The following MSI2 variants were observed in gnomAD, a reference collection of about 807,000 sequenced individuals.
MSI2 encodes RNA-binding protein Musashi homolog 2.
A neutral mutation model predicts 45.6 loss-of-function variants in MSI2; 17 were observed. The observed-to-expected ratio is 0.37, with a 90% CI of 0.26 to 0.56. The LOEUF is 0.56. Ranked by LOEUF, MSI2 falls within the 20% of genes least tolerant of loss-of-function variation. MSI2 has a pLI of 0.77. For missense variants in MSI2, 293 were observed against 444.2 expected, an observed-to-expected ratio of 0.66 and a Z score of 3.06; for synonymous variants, 156 against 158.2, an observed-to-expected ratio of 0.99 and a Z score of 0.11.
intron 9 of MSI2, chr17:57,625,845 T>C (rs1908744166): frequency 6.6e-6 from 1 of 152,226 alleles, no homozygotes; most frequent in Non-Finnish European, 1.5e-5. Context: ...AGCTGGGTGG[T>C]CAGAGCCCCA....
chr17:57,645,622 A>G (rs904824130), intron 10 of MSI2, among the ~76,000 whole-genome samples: 7 of 149,724 alleles, frequency 4.7e-5, no homozygotes, highest in African/African-American at 9.9e-5. Context: ...TTTTATTTTT[A>G]GTAGAGACAG....
chr17:57,695,753 G>A, the MSI2 span, among the ~76,000 whole-genome samples: 3 of 151,986 alleles, frequency 2.0e-5, no homozygotes, highest in South Asian at 6.2e-4. Context: ...TATACTGGGT[G>A]GCTTAAACAA....
chr17:57,415,503 C>G (rs1047292315), intron 6 of MSI2, among the ~76,000 whole-genome samples: 1 of 152,116 alleles, frequency 6.6e-6, no homozygotes, highest in African/African-American at 2.4e-5. Flanking sequence ...ATTCAACTGT[C>G]TCCTGAGCCT....
chr17:57,689,948 A>T, the MSI2 span, among the ~76,000 whole-genome samples: 1 of 152,184 alleles, frequency 6.6e-6, no homozygotes, highest in African/African-American at 2.4e-5. Context: ...GCCACTATAA[A>T]CATTCATGGA....
At chr17:57,575,147 T>TC (rs371180511) in intron 7 of MSI2, among the ~76,000 whole-genome samples, 23,993 of 116,408 alleles carry the variant, frequency 0.21, 2,699 homozygotes, top group African/African-American at 0.24. Flanking sequence ...CTTTTTTAAC[T>TC]CCCTCCCCCC....
At chr17:57,564,641 G>A (rs1352878914) in intron 7 of MSI2, among the ~76,000 whole-genome samples, 1 of 152,174 alleles carries the variant, frequency 6.6e-6, no homozygotes, top group Non-Finnish European at 1.5e-5. Context: ...GGCATTTATG[G>A]AGCTTGCAGC....
At chr17:57,566,509 TG>T in intron 7 of MSI2, among the ~76,000 whole-genome samples, 1 of 152,214 alleles carries the variant, frequency 6.6e-6, no homozygotes, top group African/African-American at 2.4e-5. Flanking sequence ...TCTCAGGCAT[TG>T]GGGCCCGGTA....
intron 5 of MSI2, among the ~76,000 whole-genome samples, chr17:57,295,433 A>G (rs1277691296): frequency 6.6e-6 from 1 of 152,220 alleles, no homozygotes; most frequent in Non-Finnish European, 1.5e-5. Flanking sequence ...TTACACAAAT[A>G]AGAACTCAGT....
chr17:57,520,184 A>G lies in MSI2; in HGVS notation c.406-9492A>G, dbSNP rs549274650. Among the ~76,000 whole-genome samples the G allele has an allele frequency of 2.4e-3, 367 of 152,346 alleles. 5 individuals are homozygous for G. The highest frequency in any genetic ancestry group is 8.4e-3 in the African/African-American group (348 of 41,572). ...TCCAGTAAATGGTAGTTATTATAAC[A>G]ATCATTATTTCAGGAGGATAGACAT... is the stretch of plus-strand genomic sequence containing the variant. On this transcript the variant is annotated intron_variant, in intron 6 of 13. Transcript: ENST00000284073.
chr17:57,540,843 C>A (rs1158653067), intron 7 of MSI2, among the ~76,000 whole-genome samples: 2 of 152,184 alleles, frequency 1.3e-5, no homozygotes, highest in East Asian at 1.9e-4. Flanking sequence ...TAAGCTCCCC[C>A]CTCCCATTTG....
chr17:57,414,099 T>TCTTC (rs2084248428), intron 6 of MSI2, among the ~76,000 whole-genome samples: 2 of 152,100 alleles, frequency 1.3e-5, no homozygotes, highest in African/African-American at 4.8e-5. Context: ...TAATTACAGA[T>TCTTC]TGTGTCATCA....
At chr17:57,615,283 A>G (rs1287267540) in intron 8 of MSI2, among the ~76,000 whole-genome samples, 1 of 151,864 alleles carries the variant, frequency 6.6e-6, no homozygotes, top group East Asian at 1.9e-4. Context: ...GTGTGCCACC[A>G]CACCTGCCTA....
intron 10 of MSI2, chr17:57,632,913 G>T: frequency 9.4e-7 from 1 of 1,059,530 alleles, no homozygotes; most frequent in Non-Finnish European, 1.1e-6. Flanking sequence ...TAATTGGTTA[G>T]TTTCCTTTTA....
intron 6 of MSI2, among the ~76,000 whole-genome samples, chr17:57,508,735 G>A (rs114997378): frequency 2.2e-3 from 332 of 152,288 alleles, no homozygotes; most frequent in African/African-American, 7.1e-3. Context: ...GCGTGAGCCC[G>A]GCAGGCCTGG....
chr17:57,539,899 G>C (rs896732687), intron 7 of MSI2, among the ~76,000 whole-genome samples: 10 of 152,300 alleles, frequency 6.6e-5, no homozygotes, highest in African/African-American at 2.4e-4. Context: ...TAGTAAACAC[G>C]TGGGGACCTT....
chr17:57,658,110 C>T (rs1415697250), intron 11 of MSI2, among the ~76,000 whole-genome samples: 1 of 152,220 alleles, frequency 6.6e-6, no homozygotes, highest in African/African-American at 2.4e-5. Context: ...GGATGCAGTG[C>T]CTCCATCTCT....
intron 6 of MSI2, among the ~76,000 whole-genome samples, chr17:57,461,660 C>T (rs1415008380): frequency 3.3e-5 from 5 of 151,908 alleles, no homozygotes; most frequent in Admixed American, 2.0e-4. Context: ...CTCAGCCTCC[C>T]GAGTAGCTGG....
intron 6 of MSI2, among the ~76,000 whole-genome samples, chr17:57,441,826 A>T (rs2084805014): frequency 6.6e-6 from 1 of 152,192 alleles, no homozygotes; most frequent in African/African-American, 2.4e-5. Flanking sequence ...GTGTAGCAAT[A>T]GTAGTCATTG....
At position 57,621,969 on chromosome 17, in the gene MSI2, G is replaced by A. The variant is rs772724292; in HGVS notation, c.653-5260G>A. Among the ~76,000 whole-genome samples the A allele has an allele frequency of 7.2e-5, 11 of 152,154 alleles. No homozygotes were observed. In the East Asian group the frequency reaches 9.6e-4, roughly 13 times the overall value. On this transcript the variant is annotated intron_variant, in intron 9 of 13. Coordinates refer to ENST00000284073, the MANE Select transcript of MSI2 (RefSeq NM_138962.4). ...GCCTCTACTCCCAGGAGGCCGAGGC[G>A]GGCAGATCACCTGAGGTCAGGAGTT...
Sources: gnomAD v4.1 joint callset for allele counts (sites outside exome capture counted in the v4.1 genomes callset) on GRCh38, gnomAD v4.1.1 for gene constraint, MANE v1.5 for transcripts, NCBI Gene and HGNC (gene_info 2026-07-23, HGNC 2026-07-21) for gene names.